Variants in IL21R observed in about 807,000 individuals in gnomAD.
IL21R encodes interleukin-21 receptor.
A neutral mutation model predicts 41.3 loss-of-function variants in IL21R; 14 were observed. The ratio of observed to expected loss-of-function variants is 0.34; its 90% confidence interval spans 0.22 to 0.53. The LOEUF (loss-of-function observed/expected upper bound fraction) is 0.53, where lower values mean the gene tolerates loss of function less well. Among genes scored for constraint, IL21R ranks in the 20% least tolerant of loss-of-function variants. The pLI is 0.94. For missense variants in IL21R, 588 were observed against 681.6 expected (o/e 0.86, Z 1.53); for synonymous variants, 286 against 287.6 (o/e 0.99, Z 0.05).
chr16:27,438,277 G>A (rs1034745436), intron 4 of IL21R, among the ~76,000 whole-genome samples: 9 of 151,860 alleles, frequency 5.9e-5, no homozygotes, highest in South Asian at 2.1e-4. Context: ...GCGAATGGAC[G>A]ACACTGAGTT....
intron 3 of IL21R, among the ~76,000 whole-genome samples, chr16:27,436,765 A>G (rs2087278267): frequency 2.0e-5 from 3 of 152,002 alleles, no homozygotes; most frequent in South Asian, 4.2e-4. Flanking sequence ...AGCACAGGCT[A>G]TTATTAGATA....
chr16:27,411,841 A>G (rs1274550931), intron 1 of IL21R, among the ~76,000 whole-genome samples: 2 of 152,102 alleles, frequency 1.3e-5, no homozygotes, highest in African/African-American at 2.4e-5. Context: ...TATTAACCCC[A>G]TATCTCTTGT....
At chr16:27,418,314 C>T (rs1476953316) in intron 1 of IL21R, among the ~76,000 whole-genome samples, 3 of 151,780 alleles carry the variant, frequency 2.0e-5, no homozygotes, top group South Asian at 4.2e-4. Context: ...GTGATCTGCC[C>T]GTCTCGCCCT....
chr16:27,415,799 G>A (rs2086887904), intron 1 of IL21R, among the ~76,000 whole-genome samples: 1 of 152,184 alleles, frequency 6.6e-6, no homozygotes, highest in Admixed American at 6.5e-5. Context: ...ATGTAAAAAA[G>A]CCTGCATTGA....
chr16:27,425,128 G>C (rs1219212972), intron 1 of IL21R, among the ~76,000 whole-genome samples: 1 of 152,144 alleles, frequency 6.6e-6, no homozygotes, highest in Non-Finnish European at 1.5e-5. Flanking sequence ...GATTTGGGTG[G>C]GACAAATATC....
chr16:27,429,600 C>T (rs561426781), intron 1 of IL21R, among the ~76,000 whole-genome samples: 93 of 151,848 alleles, frequency 6.1e-4, no homozygotes, highest in Non-Finnish European at 1.2e-3. Context: ...AGCAAGATGC[C>T]GTCTCTACAA....
chr16:27,406,817 C>T (rs2086756083), intron 1 of IL21R, among the ~76,000 whole-genome samples: 1 of 152,194 alleles, frequency 6.6e-6, no homozygotes, highest in Non-Finnish European at 1.5e-5. Flanking sequence ...AGCTGAGGCT[C>T]AAAGAAAGGC....
At chr16:27,408,323 C>G (rs562838002) in intron 1 of IL21R, among the ~76,000 whole-genome samples, 1 of 152,220 alleles carries the variant, frequency 6.6e-6, no homozygotes, top group African/African-American at 2.4e-5. Context: ...AGCACATGCA[C>G]AGGTGTGCAA....
At chr16:27,444,154 CTT>C (rs1567371979) in intron 5 of IL21R, 1 of 154,672 alleles carries the variant, frequency 6.5e-6, no homozygotes, top group African/African-American at 2.4e-5. Flanking sequence ...TGTACTGAGA[CTT>C]ATATCAGTAG....
chr16:27,439,895 CAAACATCTCCCG>C (rs1174030210), intron 4 of IL21R, among the ~76,000 whole-genome samples: 1 of 152,118 alleles, frequency 6.6e-6, no homozygotes. Flanking sequence ...CCAGGCTCTG[CAAACATCTCCCG>C]AGTACCCACG....
At chr16:27,427,413 A>G in intron 1 of IL21R, 1 of 752,602 alleles carries the variant, frequency 1.3e-6, no homozygotes, top group Non-Finnish European at 1.6e-6. Flanking sequence ...TTGTTTTTTT[A>G]AAGACAGGGT....
At chr16:27,403,711 T>C (rs1031125710) in intron 1 of IL21R, among the ~76,000 whole-genome samples, 9 of 152,032 alleles carry the variant, frequency 5.9e-5, no homozygotes, top group South Asian at 2.1e-4. Flanking sequence ...GGAAGAGAGT[T>C]TGTGGCATGA....
At chr16:27,434,253 C>T in intron 2 of IL21R, 94 bp from the exon 3 acceptor site, 2 of 815,500 alleles carry the variant, frequency 2.5e-6, no homozygotes, top group Admixed American at 1.8e-5. Flanking sequence ...GACCCCTGCA[C>T]CCATTCTTCC....
chr16:27,406,264 G>A (rs561061125), intron 1 of IL21R, among the ~76,000 whole-genome samples: 2 of 152,352 alleles, frequency 1.3e-5, no homozygotes, highest in African/African-American at 2.4e-5. Flanking sequence ...CTCTACAAGC[G>A]GCCCCTCCTG....
In IL21R at chr16:27,433,625, G is replaced by A. The variant is rs114826341; in HGVS notation, c.50-722G>A. Among the ~76,000 whole-genome samples the A allele has an allele frequency of 4.5e-3, 680 of 152,268 alleles. 2 individuals are homozygous for A. Among genetic ancestry groups the A allele is most frequent in the Middle Eastern group, 0.017 (5 of 294 alleles). On this transcript the variant is annotated intron_variant, in intron 2 of 8. Transcript: ENST00000337929. Reference sequence around the variant, plus strand: ...TTGCACCCCTGTTTTAGAACACAGCGAAACAATTAATGTTTGGGGAGCAGG... The same window carrying A: ...TTGCACCCCTGTTTTAGAACACAGCAAAACAATTAATGTTTGGGGAGCAGG...
At chr16:27,446,711 G>A (rs2141314808) in intron 8 of IL21R, among the ~76,000 whole-genome samples, 1 of 152,328 alleles carries the variant, frequency 6.6e-6, no homozygotes, top group African/African-American at 2.4e-5. Context: ...TGCCCCACTG[G>A]TCCTTTCTTA....
Position 27,434,333 on chromosome 16 carries a change from C to A in IL21R, c.50-14C>A. On this transcript the variant is annotated splice_polypyrimidine_tract_variant and intron_variant, in intron 2 of 8. Coordinates refer to ENST00000337929, the MANE Select transcript of IL21R (RefSeq NM_181078.3). ...CACCCCCCACCAAGGCCTCTCTCCC[C>A]ACTGACCCTCCAGGCTGGGGCTGCC... 1.3e-6 allele frequency: 2 copies of A among 1,577,282 alleles called. No individual in the cohort carries two copies. Among genetic ancestry groups the A allele is most frequent in the Non-Finnish European group, 8.7e-7 (1 of 1,147,342 alleles).
At chr16:27,439,427 C>T (rs534680180) in intron 4 of IL21R, among the ~76,000 whole-genome samples, 1 of 152,020 alleles carries the variant, frequency 6.6e-6, no homozygotes, top group Admixed American at 6.5e-5. Flanking sequence ...TCACATCACT[C>T]ATACATGGGC....
At position 27,437,635 on chromosome 16, in the gene IL21R, C is replaced by T; in HGVS notation, c.300C>T (p.Asp100=). The part of the protein sequence containing the change: ...ADDIFSVNIT[D]QSGNYSQECG... ...ACATTTTCAGTGTCAACATCACAGA[C>T]CAGTCTGGCAACTACTCCCAGGAGT... The change falls in exon 4 of 9, where the codon GAC becomes GAT. Residue 100 remains aspartate, a synonymous_variant. Transcript: ENST00000337929. The T allele has an allele frequency of 6.2e-7, 1 of 1,614,230 alleles. No homozygotes were observed. The highest frequency in any genetic ancestry group is 8.5e-7 in the Non-Finnish European group (1 of 1,180,028).
Sources: allele counts gnomAD v4.1 joint callset (sites outside exome capture counted in the v4.1 genomes callset), GRCh38; gene constraint gnomAD v4.1.1; transcripts MANE v1.5; gene names NCBI Gene and HGNC (gene_info 2026-07-23, HGNC 2026-07-21).